Variants in PSEN1 observed in about 807,000 individuals in gnomAD.
The protein encoded by PSEN1 is presenilin-1.
PSEN1 carries 15 observed loss-of-function variants against 53.5 expected under a neutral mutation model. That is an observed-to-expected ratio of 0.28 (90% CI 0.19 to 0.43). The LOEUF is 0.43. PSEN1 is among the 20% of genes least tolerant of loss of function. The pLI is 1.00. For synonymous variants in PSEN1, 208 were observed against 209.8 expected (o/e 0.99, Z 0.08); for missense variants, 387 against 571.2 (o/e 0.68, Z 3.29).
chr14:73,199,107 TA>T (rs1899073409), intron 8 of PSEN1, among the ~76,000 whole-genome samples: 1 of 152,232 alleles, frequency 6.6e-6, no homozygotes, highest in African/African-American at 2.4e-5. Context: ...TGTTTAGTTT[TA>T]TATCTTTCTG....
In PSEN1 at chr14:73,152,094, A is replaced by G. The variant is rs1190674707; in HGVS notation, c.87+3988A>G. ...GCCTGGCTAATTTTTTGTATTTTTCATAGAGGCGGGGTTTCACCGTGTTAG... is the reference window on the plus strand; with the variant it reads ...GCCTGGCTAATTTTTTGTATTTTTCGTAGAGGCGGGGTTTCACCGTGTTAG... On this transcript the variant is annotated intron_variant, in intron 3 of 11. Coordinates refer to ENST00000324501, the MANE Select transcript of PSEN1 (RefSeq NM_000021.4). 1.6e-4 allele frequency among the ~76,000 whole-genome samples: 24 copies of G among 147,994 alleles called. No homozygotes were observed. The South Asian group carries it at 4.5e-3, about 28-fold the overall frequency.
intron 8 of PSEN1, among the ~76,000 whole-genome samples, chr14:73,204,712 G>A (rs1208873665): frequency 1.3e-5 from 2 of 152,020 alleles, no homozygotes; most frequent in East Asian, 3.8e-4. Flanking sequence ...CTAATAAATC[G>A]CTGGTGGCTT....
intron 1 of PSEN1, chr14:73,138,081 A>C (rs989379204): frequency 2.6e-5 from 4 of 151,866 alleles, no homozygotes; most frequent in African/African-American, 7.2e-5. Flanking sequence ...AAAAAAAAAA[A>C]AACCTGTTTT....
chr14:73,212,666 A>C (rs1899751728), intron 10 of PSEN1, among the ~76,000 whole-genome samples: 1 of 152,304 alleles, frequency 6.6e-6, no homozygotes, highest in South Asian at 2.1e-4. Context: ...GATTTAGGAT[A>C]TTGGCAGAAA....
intron 1 of PSEN1, among the ~76,000 whole-genome samples, chr14:73,140,864 A>G (rs1203370658): frequency 6.6e-6 from 1 of 152,064 alleles, no homozygotes; most frequent in South Asian, 2.1e-4. Context: ...CCTCCCCCAA[A>G]CTCAGCAGTT....
chr14:73,194,758 C>A (rs576360731), intron 7 of PSEN1, among the ~76,000 whole-genome samples: 1 of 151,262 alleles, frequency 6.6e-6, no homozygotes, highest in Non-Finnish European at 1.5e-5. Context: ...GTAGTAGAGA[C>A]GGGGTTTCAC....
chr14:73,167,711 A>G (rs2140028198), intron 3 of PSEN1: 1 of 150,972 alleles, frequency 6.6e-6, no homozygotes, highest in East Asian at 1.9e-4. Flanking sequence ...GGTATGCTCA[A>G]GTCTCTAACA....
At chr14:73,207,080 G>A (rs770011616) in intron 9 of PSEN1, among the ~76,000 whole-genome samples, 10 of 152,080 alleles carry the variant, frequency 6.6e-5, no homozygotes, top group Non-Finnish European at 1.0e-4. Flanking sequence ...CAGCTACATG[G>A]CCAAGGCAAG....
rs1038552824 is a variant in PSEN1, at chr14:73,223,344, T to A, written c.*4055T>A. Reference sequence around the variant, plus strand: ...ATGTGGTGGCAGCATTGCCAGTTGGTCTGTGTGTCTGTGTAGCAGGGACGA... The same window carrying A: ...ATGTGGTGGCAGCATTGCCAGTTGGACTGTGTGTCTGTGTAGCAGGGACGA... On this transcript the variant is annotated 3_prime_UTR_variant, in exon 12 of 12. Transcript: ENST00000324501. 1.3e-5 allele frequency: 2 copies of A among 152,246 alleles called. No homozygotes were observed. Among genetic ancestry groups the A allele is most frequent in the African/African-American group, 4.8e-5 (2 of 41,464 alleles). 9.4% of individuals were successfully genotyped at this position (152,246 alleles called of 1,614,324 possible). A position where few individuals can be genotyped will look rare whatever the true frequency, so the allele number is the denominator to read the frequency against.
intron 7 of PSEN1, among the ~76,000 whole-genome samples, chr14:73,196,474 A>ATTTTTTT (rs35294154): frequency 5.9e-5 from 6 of 102,280 alleles, no homozygotes; most frequent in Admixed American, 1.2e-4. Flanking sequence ...GAGGCATGAA[A>ATTTTTTT]TTTTTTTTTT....
intron 7 of PSEN1, among the ~76,000 whole-genome samples, chr14:73,195,562 A>G (rs1898905374): frequency 6.6e-6 from 1 of 152,174 alleles, no homozygotes; most frequent in African/African-American, 2.4e-5. Context: ...ATTTAATACA[A>G]TAATACACTT....
chr14:73,137,879 G>C (rs1320114252), intron 1 of PSEN1, among the ~76,000 whole-genome samples: 2 of 152,022 alleles, frequency 1.3e-5, no homozygotes, highest in African/African-American at 4.8e-5. Flanking sequence ...TGAGGAGTTC[G>C]AGACCAGACA....
intron 1 of PSEN1, among the ~76,000 whole-genome samples, chr14:73,143,567 T>C (rs1305080784): frequency 1.3e-5 from 2 of 152,184 alleles, no homozygotes; most frequent in African/African-American, 4.8e-5. Flanking sequence ...AAGATAGTAT[T>C]GGAAAATGCT....
chr14:73,188,169 C>T (rs989378519), intron 6 of PSEN1, among the ~76,000 whole-genome samples: 3 of 151,388 alleles, frequency 2.0e-5, no homozygotes, highest in Admixed American at 6.6e-5. Flanking sequence ...CCTCGTGATC[C>T]GCCCGCCTTG....
At chr14:73,149,255 G>A (rs971398085) in intron 3 of PSEN1, among the ~76,000 whole-genome samples, 2 of 152,008 alleles carry the variant, frequency 1.3e-5, no homozygotes, top group Admixed American at 1.3e-4. Flanking sequence ...AACTCAGGAG[G>A]CTGAGGTACG....
At chr14:73,214,530 CA>C (rs555608494) in intron 10 of PSEN1, among the ~76,000 whole-genome samples, 5,509 of 74,042 alleles carry the variant, frequency 0.074, 177 homozygotes, top group African/African-American at 0.16. Context: ...AACTCCATCT[CA>C]AAAAAAAAAA....
chr14:73,183,122 T>C (rs1271139617), intron 5 of PSEN1, among the ~76,000 whole-genome samples: 1 of 152,046 alleles, frequency 6.6e-6, no homozygotes, highest in Non-Finnish European at 1.5e-5. Context: ...TCAGCTTACC[T>C]TTTTTGTTTT....
chr14:73,211,504 C>T (rs1372688491), intron 9 of PSEN1, among the ~76,000 whole-genome samples: 1 of 152,238 alleles, frequency 6.6e-6, no homozygotes, highest in Middle Eastern at 3.4e-3. Context: ...GTGGGATTAC[C>T]GTGCTTGGCT....
intron 3 of PSEN1, among the ~76,000 whole-genome samples, chr14:73,150,331 C>G (rs1897181702): frequency 6.6e-6 from 1 of 152,124 alleles, no homozygotes; most frequent in African/African-American, 2.4e-5. Context: ...GTGCTCCTCC[C>G]CCATTCTTTT....
Sources: allele counts gnomAD v4.1 joint callset (sites outside exome capture counted in the v4.1 genomes callset), GRCh38; gene constraint gnomAD v4.1.1; transcripts MANE v1.5; gene names NCBI Gene and HGNC (gene_info 2026-07-23, HGNC 2026-07-21).